Variants in HIP1 observed in about 807,000 individuals in gnomAD.
HIP1 encodes the protein huntingtin-interacting protein 1.
Under a neutral mutation model 147.6 loss-of-function variants are expected in HIP1, and 65 were observed. That is an observed-to-expected ratio of 0.44 (90% CI 0.36 to 0.54). HIP1 has a LOEUF of 0.54. Ranked by LOEUF, HIP1 falls within the 20% of genes least tolerant of loss-of-function variation. HIP1 has a pLI of 0.00. For missense variants in HIP1, 1,061 were observed against 1,299.6 expected, an observed-to-expected ratio of 0.82 and a Z score of 2.82; for synonymous variants, 479 against 504.0, an observed-to-expected ratio of 0.95 and a Z score of 0.67.
chr7:75,732,004 A>G (rs560418538), intron 1 of HIP1, among the ~76,000 whole-genome samples: 1 of 152,284 alleles, frequency 6.6e-6, no homozygotes, highest in Admixed American at 6.5e-5. Flanking sequence ...GCCCAGCCCT[A>G]AAATTTTTTA....
intron 1 of HIP1, among the ~76,000 whole-genome samples, chr7:75,723,726 A>C (rs1339935099): frequency 1.3e-5 from 2 of 151,996 alleles, no homozygotes; most frequent in Admixed American, 6.6e-5. Flanking sequence ...TCTGCTTTTA[A>C]GGATCTATGT....
At chr7:75,602,123 C>T (rs368506126) in intron 1 of HIP1, among the ~76,000 whole-genome samples, 2 of 151,474 alleles carry the variant, frequency 1.3e-5, no homozygotes, top group South Asian at 2.1e-4. Context: ...GCCTCAGCCT[C>T]CCAAGTAGCT....
At chr7:75,541,400 G>C (rs1386103077) in intron 29 of HIP1, among the ~76,000 whole-genome samples, 2 of 151,824 alleles carry the variant, frequency 1.3e-5, no homozygotes, top group Non-Finnish European at 2.9e-5. Context: ...CATGGTGGTG[G>C]GCGCCTGTAG....
intron 1 of HIP1, among the ~76,000 whole-genome samples, chr7:75,603,120 G>T (rs587651196): frequency 1.3e-5 from 2 of 152,146 alleles, no homozygotes; most frequent in Admixed American, 1.3e-4. Flanking sequence ...GCAGAGGCGG[G>T]AGGATCACCT....
In HIP1 at chr7:75,567,052, C is replaced by T. The variant is rs1554495643; in HGVS notation, c.803+1147G>A. Reference sequence around the variant, plus strand: ...ACTGGAGATGGGGAGGCTGAGGTTGCAGTAAGCCAAGATCACACCACCGCA... The same window carrying T: ...ACTGGAGATGGGGAGGCTGAGGTTGTAGTAAGCCAAGATCACACCACCGCA... On this transcript the variant is annotated intron_variant, in intron 9 of 30. Coordinates refer to ENST00000336926, the MANE Select transcript of HIP1 (RefSeq NM_005338.7). 1.3e-5 allele frequency among the ~76,000 whole-genome samples: 2 copies of T among 150,946 alleles called. 1 individual carries two copies. Among genetic ancestry groups the T allele is most frequent in the African/African-American group, 4.9e-5 (2 of 40,422 alleles).
intron 1 of HIP1, among the ~76,000 whole-genome samples, chr7:75,668,648 A>T (rs1396613273): frequency 6.6e-6 from 1 of 152,098 alleles, no homozygotes; most frequent in Admixed American, 6.6e-5. Flanking sequence ...TTTTCAAGCC[A>T]TCATGCCCTT....
intron 7 of HIP1, among the ~76,000 whole-genome samples, chr7:75,579,574 G>A (rs1474212680): frequency 6.6e-6 from 1 of 152,182 alleles, no homozygotes; most frequent in Non-Finnish European, 1.5e-5. Context: ...TTACAGGCAT[G>A]AGCCACTGTG....
At chr7:75,539,646 C>A (rs1416034118) in intron 29 of HIP1, among the ~76,000 whole-genome samples, 2 of 152,114 alleles carry the variant, frequency 1.3e-5, no homozygotes, top group African/African-American at 4.8e-5. Flanking sequence ...TGATTACTCC[C>A]TTTCTGCTGC....
chr7:75,708,322 G>A (rs1309270002), intron 1 of HIP1, among the ~76,000 whole-genome samples: 2 of 152,094 alleles, frequency 1.3e-5, no homozygotes, highest in African/African-American at 4.8e-5. Context: ...TGTTGATAGT[G>A]TCTATTGATG....
intron 1 of HIP1, among the ~76,000 whole-genome samples, chr7:75,689,895 G>A (rs1800388542): frequency 6.6e-6 from 1 of 152,124 alleles, no homozygotes; most frequent in South Asian, 2.1e-4. Flanking sequence ...TAGTGTCATC[G>A]TCATTCGTCA....
intron 1 of HIP1, among the ~76,000 whole-genome samples, chr7:75,615,580 C>G (rs1797626169): frequency 6.6e-6 from 1 of 151,962 alleles, no homozygotes; most frequent in Non-Finnish European, 1.5e-5. Flanking sequence ...GGATCTTGTC[C>G]TCAAAGGGAC....
chr7:75,589,398 A>G (rs2705777), intron 4 of HIP1, among the ~76,000 whole-genome samples: 92,281 of 151,744 alleles, frequency 0.61, 30,633 homozygotes, highest in African/African-American at 0.89. Context: ...CAAAATCTGA[A>G]AAGGGGCTGG....
At chr7:75,553,613 C>T (rs782362934) in intron 21 of HIP1, 24 bp from the exon 22 acceptor site, 119 of 1,587,974 alleles carry the variant, frequency 7.5e-5, no homozygotes, top group Non-Finnish European at 9.7e-5. Context: ...GCAATAGACA[C>T]TTTTTTTTTG....
rs587677671 is a variant in HIP1 at position 75,542,583 on chromosome 7, T to C, written c.2890+268A>G. ...GCATGGTGGCGGGCGCCTGTAATCCTAGCTACTCGGGAAGCTGAGGCAGGA... is the reference window on the plus strand; with the variant it reads ...GCATGGTGGCGGGCGCCTGTAATCCCAGCTACTCGGGAAGCTGAGGCAGGA... On this transcript the variant is annotated intron_variant, in intron 28 of 30. Transcript: ENST00000336926. 4.2e-4 allele frequency among the ~76,000 whole-genome samples: 63 copies of C among 149,356 alleles called. 1 individual carries two copies. Among genetic ancestry groups the C allele is most frequent in the Middle Eastern group, 3.6e-3 (1 of 274 alleles).
chr7:75,734,482 G>T (rs1584989875), intron 1 of HIP1, among the ~76,000 whole-genome samples: 1 of 152,126 alleles, frequency 6.6e-6, no homozygotes, highest in South Asian at 2.1e-4. Context: ...AATATATCCT[G>T]TGGCCCAGGG....
chr7:75,586,655 C>T (rs1563222837), intron 5 of HIP1, 98 bp downstream of exon 5: 1 of 776,558 alleles, frequency 1.3e-6, no homozygotes, highest in South Asian at 1.5e-5. Flanking sequence ...CCTGGGCTGT[C>T]TATTACCTGA....
rs587624721 is a variant in HIP1 at position 75,631,641 on chromosome 7, T to C, written c.121-32394A>G. ...AGATGCATTAGGACTTTAGGGAATC[T>C]AAAGGACACATGGGGAATTTATTTA... is the stretch of plus-strand genomic sequence containing the variant. On this transcript the variant is annotated intron_variant, in intron 1 of 30. Transcript: ENST00000336926. Among the ~76,000 whole-genome samples the C allele has an allele frequency of 2.0e-5, 3 of 152,236 alleles. No homozygotes were observed. The East Asian group carries it at 5.8e-4, about 29-fold the overall frequency.
intron 1 of HIP1, among the ~76,000 whole-genome samples, chr7:75,615,764 ACT>A (rs1216398941): frequency 3.3e-5 from 5 of 151,680 alleles, no homozygotes; most frequent in African/African-American, 4.8e-5. Flanking sequence ...ACACAGCGAG[ACT>A]CTGTCTCAAA....
chr7:75,638,860 C>T (rs1266234985), intron 1 of HIP1, among the ~76,000 whole-genome samples: 1 of 151,754 alleles, frequency 6.6e-6, no homozygotes, highest in African/African-American at 2.4e-5. Flanking sequence ...GAGCCCATCC[C>T]GGCCGGCCAG....
Sources: allele counts gnomAD v4.1 joint callset (sites outside exome capture counted in the v4.1 genomes callset), GRCh38; gene constraint gnomAD v4.1.1; transcripts MANE v1.5; gene names NCBI Gene and HGNC (gene_info 2026-07-23, HGNC 2026-07-21).